Variants in TCEANC2 observed in about 807,000 individuals in gnomAD.
The protein encoded by TCEANC2 is transcription elongation factor A N-terminal and central domain-containing protein 2.
A neutral mutation model predicts 22.8 loss-of-function variants in TCEANC2; 20 were observed. The observed-to-expected ratio is 0.88, with a 90% confidence interval of 0.62 to 1.28. The LOEUF (loss-of-function observed/expected upper bound fraction) is 1.28. Ranked by LOEUF, TCEANC2 falls within the 50% of genes most tolerant of loss-of-function variation. TCEANC2 has a pLI of 0.00. For synonymous variants in TCEANC2, 84 were observed against 95.5 expected, an observed-to-expected ratio of 0.88 and a Z score of 0.70; for missense variants, 251 against 249.7, an observed-to-expected ratio of 1.01 and a Z score of -0.03.
Position 54,104,828 on chromosome 1 carries a change from C to G in TCEANC2, c.*8355C>G. The G allele has an allele frequency of 2.7e-6, 1 of 368,366 alleles. No individual in the cohort carries two copies. Among genetic ancestry groups the G allele is most frequent in the South Asian group, 2.0e-5 (1 of 50,058 alleles). 22.8% of individuals were successfully genotyped at this position (368,366 alleles called of 1,614,324 possible). A position where few individuals can be genotyped will look rare whatever the true frequency, so the allele number is the denominator to read the frequency against. ...AAGTGCTGGGATTACAGGCGTGAGC[C>G]ACTGCGCCTGGCCCCTTGCCCAATA... On this transcript the variant is annotated 3_prime_UTR_variant, in exon 5 of 5. Transcript: ENST00000234827.
At chr1:54,054,655 C>A in intron 2 of TCEANC2, 131 bp downstream of exon 2, 1 of 892,196 alleles carries the variant, frequency 1.1e-6, no homozygotes, top group Non-Finnish European at 1.6e-6. Flanking sequence ...CCTGACCACT[C>A]CTCCTTTGTT....
intron 3 of TCEANC2, among the ~76,000 whole-genome samples, chr1:54,082,231 T>C (rs1318280179): frequency 6.6e-6 from 1 of 152,120 alleles, no homozygotes; most frequent in Non-Finnish European, 1.5e-5. Context: ...AAGCCTGGAG[T>C]GATAAGCAGG....
At chr1:54,073,341 T>C (rs962434717) in intron 3 of TCEANC2, among the ~76,000 whole-genome samples, 4 of 152,244 alleles carry the variant, frequency 2.6e-5, no homozygotes, top group Admixed American at 2.6e-4. Flanking sequence ...CTTCTTTTGT[T>C]TCTGCCAATA....
chr1:54,083,346 C>A (rs61291384), intron 3 of TCEANC2, among the ~76,000 whole-genome samples: 14,838 of 152,146 alleles, frequency 0.098, 1,710 homozygotes, highest in African/African-American at 0.28. Flanking sequence ...GGCCAAGGAC[C>A]ATGCCCTAGC....
chr1:54,067,881 G>A (rs911952918), intron 2 of TCEANC2, among the ~76,000 whole-genome samples: 1 of 152,136 alleles, frequency 6.6e-6, no homozygotes, highest in African/African-American at 2.4e-5. Context: ...TTCAATTCCC[G>A]AACTGTGCCC....
chr1:54,077,851 C>T (rs1242013578), intron 3 of TCEANC2, among the ~76,000 whole-genome samples: 1 of 152,186 alleles, frequency 6.6e-6, no homozygotes, highest in Non-Finnish European at 1.5e-5. Flanking sequence ...CTTGTCCTCT[C>T]TCCCCTAACA....
rs182417401 is a variant in TCEANC2 at position 54,074,003 on chromosome 1, G to T, written c.244+5106G>T. Among the ~76,000 whole-genome samples, 6 of 152,306 alleles carry T rather than the reference G, an allele frequency of 3.9e-5. No homozygotes were observed. In the East Asian group the frequency reaches 9.6e-4, roughly 24 times the overall value. On this transcript the variant is annotated intron_variant, in intron 3 of 4. Coordinates refer to ENST00000234827, the MANE Select transcript of TCEANC2 (RefSeq NM_153035.3). ...CACTCATTAAGATAGGGAACAGCAG[G>T]TTTGGAGGTGGAGGGAATAATAAGT... is the stretch of plus-strand genomic sequence containing the variant.
At chr1:54,069,953 C>T (rs1658026994) in intron 3 of TCEANC2, among the ~76,000 whole-genome samples, 1 of 152,182 alleles carries the variant, frequency 6.6e-6, no homozygotes, top group Non-Finnish European at 1.5e-5. Context: ...GACAGTCATT[C>T]ACAGCTGCTG....
In TCEANC2 at chr1:54,078,921, G is replaced by A. The variant is rs77361013; in HGVS notation, c.245-9676G>A. Among the ~76,000 whole-genome samples the A allele has an allele frequency of 3.0e-3, 464 of 152,286 alleles. 2 individuals carry two copies. The highest frequency in any genetic ancestry group is 0.011 in the African/African-American group (439 of 41,548). On this transcript the variant is annotated intron_variant, in intron 3 of 4. Transcript: ENST00000234827. ...CTGTTCTTAGAGGCAGGGGAAATGA[G>A]TGTCCTCAAGTGGTCTGGGAAGTTG...
chr1:54,063,904 T>C (rs1260997751), intron 2 of TCEANC2, among the ~76,000 whole-genome samples: 1 of 152,244 alleles, frequency 6.6e-6, no homozygotes, highest in Non-Finnish European at 1.5e-5. Context: ...CTATGGTTGG[T>C]TGAATCCACA....
intron 2 of TCEANC2, among the ~76,000 whole-genome samples, chr1:54,060,181 G>T: frequency 1.3e-5 from 2 of 152,272 alleles, no homozygotes; most frequent in African/African-American, 4.8e-5. Flanking sequence ...GCTGAGGCGG[G>T]TGGATCATGA....
At chr1:54,094,974 A>G (rs1658517636) in intron 4 of TCEANC2, among the ~76,000 whole-genome samples, 1 of 152,062 alleles carries the variant, frequency 6.6e-6, no homozygotes, top group Admixed American at 6.6e-5. Flanking sequence ...CCCCATCTCT[A>G]AATTTTTTTT....
At chr1:54,058,632 C>T (rs978103689) in intron 2 of TCEANC2, among the ~76,000 whole-genome samples, 1 of 152,148 alleles carries the variant, frequency 6.6e-6, no homozygotes, top group Admixed American at 6.5e-5. Context: ...ATTCCAGCCA[C>T]ACCTTATTTC....
intron 2 of TCEANC2, among the ~76,000 whole-genome samples, chr1:54,055,197 C>A (rs1233724997): frequency 6.6e-6 from 1 of 152,112 alleles, no homozygotes; most frequent in African/African-American, 2.4e-5. Context: ...CTCCTGACCT[C>A]AAAATGATCC....
chr1:54,086,565 A>AAACTC (rs1557692695), intron 3 of TCEANC2, among the ~76,000 whole-genome samples: 1 of 152,116 alleles, frequency 6.6e-6, no homozygotes, highest in Non-Finnish European at 1.5e-5. Flanking sequence ...AAATGTTTTA[A>AAACTC]GAGCTGCAAG....
At chr1:54,054,307 T>C (rs1657695456) in intron 1 of TCEANC2, 74 bp from the exon 2 acceptor site, 3 of 1,509,748 alleles carry the variant, frequency 2.0e-6, no homozygotes, top group Non-Finnish European at 2.7e-6. Context: ...GAGAACTCAA[T>C]TGTGTTACTT....
At chr1:54,092,706 C>T (rs766956666) in intron 4 of TCEANC2, among the ~76,000 whole-genome samples, 27 of 152,144 alleles carry the variant, frequency 1.8e-4, no homozygotes, top group African/African-American at 5.3e-4. Flanking sequence ...TGGGAAGTTC[C>T]GCACTTAAGG....
intron 4 of TCEANC2, among the ~76,000 whole-genome samples, chr1:54,094,266 A>G (rs183315655): frequency 6.6e-6 from 1 of 152,116 alleles, no homozygotes; most frequent in Admixed American, 6.5e-5. Context: ...TATATCTGAC[A>G]AGTTTGTTTT....
rs1391750962 is a variant in TCEANC2, at chr1:54,104,898, G to C, written c.*8425G>C. On this transcript the variant is annotated 3_prime_UTR_variant, in exon 5 of 5. Transcript: ENST00000234827. ...AGTGCCCAGACCGTGACCTGAGCAG[G>C]ATATGCTGACTTCAGGCTCAGCCCC... 7.7e-6 allele frequency: 2 copies of C among 260,692 alleles called. No homozygotes were observed. The highest frequency in any genetic ancestry group is 4.4e-5 in the African/African-American group (2 of 44,960). The allele number at this position is 260,692 out of a possible 1,614,324, so 16.1% of individuals were successfully genotyped here. A position where few individuals can be genotyped will look rare whatever the true frequency, so the allele number is the denominator to read the frequency against.
Sources: gnomAD v4.1 joint callset for allele counts (sites outside exome capture counted in the v4.1 genomes callset) on GRCh38, gnomAD v4.1.1 for gene constraint, MANE v1.5 for transcripts, NCBI Gene and HGNC (gene_info 2026-07-23, HGNC 2026-07-21) for gene names.